Variants in ZNF423 observed in about 807,000 individuals in gnomAD.
ZNF423 encodes the protein Ebf-associated zinc finger protein.
In ZNF423, 12 loss-of-function variants were observed where a neutral mutation model predicts 95.8. That is an observed-to-expected ratio of 0.13 (90% CI 0.08 to 0.20). The LOEUF is 0.20. ZNF423 is among the 10% of genes least tolerant of loss of function. ZNF423 has a pLI of 1.00. For synonymous variants in ZNF423, 749 were observed against 711.9 expected, an observed-to-expected ratio of 1.05 and a Z score of -0.83; for missense variants, 1,316 against 1,737.1, an observed-to-expected ratio of 0.76 and a Z score of 4.31.
At chr16:49,648,726 G>A (rs1973275971) in intron 3 of ZNF423, among the ~76,000 whole-genome samples, 1 of 152,022 alleles carries the variant, frequency 6.6e-6, no homozygotes, top group Non-Finnish European at 1.5e-5. Context: ...AGAAAAAGCT[G>A]AAGGTAGGAC....
intron 3 of ZNF423, among the ~76,000 whole-genome samples, chr16:49,642,774 C>T (rs768487040): frequency 2.0e-5 from 3 of 147,892 alleles, no homozygotes; most frequent in African/African-American, 4.9e-5. Context: ...TCTACAGGGG[C>T]GTCAGCAGAG....
chr16:49,640,934 G>A (rs530978532), intron 3 of ZNF423: 2 of 152,438 alleles, frequency 1.3e-5, no homozygotes, highest in African/African-American at 4.8e-5. Flanking sequence ...GCTCTTGCCA[G>A]CTGGGCTCTC....
At chr16:49,595,588 A>G (rs1399064026) in intron 5 of ZNF423, among the ~76,000 whole-genome samples, 1 of 152,224 alleles carries the variant, frequency 6.6e-6, no homozygotes, top group South Asian at 2.1e-4. Flanking sequence ...TAGGCTAACA[A>G]AATTTTTCTG....
intron 5 of ZNF423, among the ~76,000 whole-genome samples, chr16:49,585,919 C>G (rs924398042): frequency 6.6e-6 from 1 of 152,140 alleles, no homozygotes; most frequent in African/African-American, 2.4e-5. Flanking sequence ...GAGGCTCAGC[C>G]CTGTCACTGG....
At chr16:49,822,619 T>C in intron 1 of ZNF423, 7 of 1,480,806 alleles carry the variant, frequency 4.7e-6, no homozygotes, top group Non-Finnish European at 6.4e-6. Context: ...GCTCCTTCTG[T>C]CTGCCTACTT....
chr16:49,807,267 T>C (rs1019404053), intron 1 of ZNF423, among the ~76,000 whole-genome samples: 2 of 151,098 alleles, frequency 1.3e-5, no homozygotes, highest in Non-Finnish European at 2.9e-5. Flanking sequence ...CCATCTCTAC[T>C]AAAAATACAA....
chr16:49,572,185 G>T (rs1246139525), intron 5 of ZNF423, among the ~76,000 whole-genome samples: 1 of 152,190 alleles, frequency 6.6e-6, no homozygotes, highest in African/African-American at 2.4e-5. Flanking sequence ...CAGACCTGCA[G>T]CTGCCTGAAA....
In ZNF423 at chr16:49,782,443, GA is replaced by G. The variant is rs577169851; in HGVS notation, c.100+7043del. 1.6e-4 allele frequency among the ~76,000 whole-genome samples: 25 copies of G among 152,360 alleles called. No individual in the cohort carries two copies. In the South Asian group the frequency reaches 2.7e-3, roughly 16 times the overall value. On this transcript the variant is annotated intron_variant, in intron 2 of 7. Transcript: ENST00000563137. ...TGGGAGTGACGGTTCCTATTAACCA[GA>G]GCAAGAAGACCTGTCCCATGGCAGG...
chr16:49,600,226 G>A (rs188725915), intron 5 of ZNF423, among the ~76,000 whole-genome samples: 3 of 151,918 alleles, frequency 2.0e-5, no homozygotes, highest in South Asian at 2.1e-4. Flanking sequence ...GCAGAAGAGC[G>A]GCTTGAACCC....
intron 3 of ZNF423, among the ~76,000 whole-genome samples, chr16:49,681,093 G>C (rs1003795130): frequency 6.6e-6 from 1 of 152,178 alleles, no homozygotes; most frequent in Non-Finnish European, 1.5e-5. Context: ...AGACCAACAG[G>C]CTCGCCCAAA....
chr16:49,600,834 G>A (rs759015587), intron 5 of ZNF423, among the ~76,000 whole-genome samples: 2 of 152,150 alleles, frequency 1.3e-5, no homozygotes, highest in African/African-American at 2.4e-5. Context: ...CCACATTGCC[G>A]AAATAAATCA....
chr16:49,824,862 G>A (rs573658343), intron 1 of ZNF423, among the ~76,000 whole-genome samples: 3 of 152,240 alleles, frequency 2.0e-5, no homozygotes, highest in African/African-American at 4.8e-5. Context: ...TCCAATGGGC[G>A]GGCACCTCCA....
chr16:49,674,131 A>G (rs2151928649), intron 3 of ZNF423, among the ~76,000 whole-genome samples: 1 of 152,338 alleles, frequency 6.6e-6, no homozygotes, highest in East Asian at 1.9e-4. Context: ...AAATGTAGAT[A>G]ACACAAGAGT....
intron 5 of ZNF423, among the ~76,000 whole-genome samples, chr16:49,556,630 G>T (rs568377810): frequency 1.3e-5 from 2 of 152,188 alleles, no homozygotes; most frequent in Non-Finnish European, 2.9e-5. Context: ...GTAAACAAGA[G>T]TTCAGCCACT....
chr16:49,491,663 C>T (rs1347571268), intron 7 of ZNF423, among the ~76,000 whole-genome samples: 1 of 151,848 alleles, frequency 6.6e-6, no homozygotes, highest in African/African-American at 2.4e-5. Context: ...TTCACCTCTC[C>T]ATCTCCCTTT....
At chr16:49,542,261 G>A (rs996022989) in intron 5 of ZNF423, among the ~76,000 whole-genome samples, 1 of 152,162 alleles carries the variant, frequency 6.6e-6, no homozygotes, top group African/African-American at 2.4e-5. Flanking sequence ...TGCTCCCTCT[G>A]GCCTTGACTC....
intron 2 of ZNF423, among the ~76,000 whole-genome samples, chr16:49,752,118 C>T (rs1313774732): frequency 6.6e-6 from 1 of 152,242 alleles, no homozygotes; most frequent in Admixed American, 6.5e-5. Context: ...ATTGTGTGGC[C>T]ACATTTCCCC....
At chr16:49,494,963 T>C (rs539747481) in intron 7 of ZNF423, among the ~76,000 whole-genome samples, 22 of 117,830 alleles carry the variant, frequency 1.9e-4, no homozygotes, top group Admixed American at 1.3e-3. Flanking sequence ...GTGCTATATT[T>C]AGCCCCTTTA....
chr16:49,812,292 A>G (rs1484829496), intron 1 of ZNF423, among the ~76,000 whole-genome samples: 1 of 152,226 alleles, frequency 6.6e-6, no homozygotes, highest in Non-Finnish European at 1.5e-5. Context: ...TGGCTCTCCC[A>G]CATCCACATT....
Sources: allele counts gnomAD v4.1 joint callset (sites outside exome capture counted in the v4.1 genomes callset), GRCh38; gene constraint gnomAD v4.1.1; transcripts MANE v1.5; gene names NCBI Gene and HGNC (gene_info 2026-07-23, HGNC 2026-07-21).